Variants in LOXHD1 observed in about 807,000 individuals in gnomAD.
The protein encoded by LOXHD1 is lipoxygenase homology domain-containing protein 1.
Under a neutral mutation model 248.2 loss-of-function variants are expected in LOXHD1, and 205 were observed. The ratio of observed to expected loss-of-function variants is 0.83; its 90% CI spans 0.74 to 0.93. LOXHD1 has a LOEUF of 0.93. Among genes scored for constraint, LOXHD1 ranks in the 40% least tolerant of loss-of-function variants. LOXHD1 has a pLI of 0.00. For missense variants in LOXHD1, 2,930 were observed against 2,971.6 expected (o/e 0.99, Z 0.33); for synonymous variants, 1,113 against 1,162.8 (o/e 0.96, Z 0.87).
chr18:46,511,898 G>T (rs766873859), intron 34 of LOXHD1, among the ~76,000 whole-genome samples: 7 of 152,178 alleles, frequency 4.6e-5, no homozygotes, highest in Non-Finnish European at 7.3e-5. Flanking sequence ...AGGCCATTGA[G>T]CCTATGCTTG....
Position 46,489,157 on chromosome 18 carries a change from C to T in LOXHD1, c.5879-15G>A. On this transcript the variant is annotated splice_polypyrimidine_tract_variant and intron_variant, in intron 37 of 40. Transcript: ENST00000642948. The stretch of plus-strand genomic sequence containing the variant: ...AGGAAATATCCCTGTGGAAAAGACA[C>T]CATGGGGGTTGGAAGCTGGATGTGC... 1 of 1,551,582 alleles carries T rather than the reference C, an allele frequency of 6.4e-7. No individual in the cohort carries two copies. Among genetic ancestry groups the T allele is most frequent in the Non-Finnish European group, 8.7e-7 (1 of 1,146,942 alleles).
At position 46,631,720 on chromosome 18, in the gene LOXHD1, A is replaced by C. The variant is rs116172161; in HGVS notation, c.511+7896T>G. Among the ~76,000 whole-genome samples, 883 of 152,308 alleles carry C rather than the reference A, an allele frequency of 5.8e-3. 14 individuals are homozygous for C. Among genetic ancestry groups the C allele is most frequent in the African/African-American group, 0.021 (856 of 41,566 alleles). ...AACTCTGGGAACAAGGAGCCAACTC[A>C]GTTAGCAAATAGGGCAGGCCCCGGG... On this transcript the variant is annotated intron_variant, in intron 4 of 40. Coordinates refer to ENST00000642948, the MANE Select transcript of LOXHD1 (RefSeq NM_001384474.1).
rs187264573 is a variant in LOXHD1 at position 46,576,837 on chromosome 18, G to A, written c.1970+870C>T. 3.7e-3 allele frequency among the ~76,000 whole-genome samples: 556 copies of A among 152,200 alleles called. 17 individuals are homozygous for A. The highest frequency in any genetic ancestry group is 0.026 in the Admixed American group (405 of 15,298). On this transcript the variant is annotated intron_variant, in intron 14 of 40. Transcript: ENST00000642948. ...AGCAGATGTGTGCCTGTGTGTGTGC[G>A]CCTGTAGGCACAGGCATGCATGTGA... is the stretch of plus-strand genomic sequence containing the variant.
At chr18:46,587,388 C>T (rs549796395) in intron 12 of LOXHD1, among the ~76,000 whole-genome samples, 1 of 152,248 alleles carries the variant, frequency 6.6e-6, no homozygotes, top group South Asian at 2.1e-4. Flanking sequence ...AACTTTCAGG[C>T]AATTCCCAGA....
intron 37 of LOXHD1, among the ~76,000 whole-genome samples, chr18:46,489,938 G>C (rs1235623399): frequency 1.3e-5 from 2 of 152,168 alleles, no homozygotes; most frequent in African/African-American, 2.4e-5. Flanking sequence ...ATTTCTTTTG[G>C]GTATGTTGCT....
intron 21 of LOXHD1, among the ~76,000 whole-genome samples, chr18:46,551,913 A>C (rs571263027): frequency 6.6e-6 from 1 of 152,256 alleles, no homozygotes; most frequent in African/African-American, 2.4e-5. Flanking sequence ...ACACGGATGA[A>C]GCTTGAGGAC....
intron 37 of LOXHD1, among the ~76,000 whole-genome samples, chr18:46,498,211 C>T (rs952817099): frequency 1.3e-5 from 2 of 152,210 alleles, no homozygotes; most frequent in Non-Finnish European, 2.9e-5. Flanking sequence ...CCTTGCTATG[C>T]CTTAAGCTCC....
chr18:46,648,705 G>A (rs1340726042), intron 2 of LOXHD1, among the ~76,000 whole-genome samples: 1 of 152,188 alleles, frequency 6.6e-6, no homozygotes, highest in Non-Finnish European at 1.5e-5. Context: ...GCGGCTAGCT[G>A]AGTGTGCAAT....
At chr18:46,614,087 G>A (rs1323418648) in intron 5 of LOXHD1, among the ~76,000 whole-genome samples, 3 of 152,204 alleles carry the variant, frequency 2.0e-5, no homozygotes, top group East Asian at 3.9e-4. Context: ...TGGAGAGGAT[G>A]TGGAGAAATA....
chr18:46,586,951 G>C lies in LOXHD1; in HGVS notation c.1654+4982C>G, dbSNP rs549611228. Among the ~76,000 whole-genome samples, 6 of 152,336 alleles carry C rather than the reference G, an allele frequency of 3.9e-5. 1 individual carries two copies. The highest frequency in any genetic ancestry group is 1.2e-4 in the African/African-American group (5 of 41,586). ...TGAAACATATGAGTACACAAAGATA[G>C]AGTGTCTGTGGCAAAAGCACTTGTT... is the stretch of plus-strand genomic sequence containing the variant. On this transcript the variant is annotated intron_variant, in intron 12 of 40. Transcript: ENST00000642948.
At position 46,489,003 on chromosome 18, in the gene LOXHD1, G is replaced by C. The variant is rs765164862; in HGVS notation, c.6018C>G (p.Asn2006Lys). ...CTTCCAGCTCATCACAGATCTTGTT[G>C]TTGGCACAGGCAAAGTCGCGGACCG... ...GQTVRDFACA[N>K]NKICDELEET... Residue 2006 changes from asparagine to lysine, a missense_variant, in exon 38 of 41, where the codon AAC becomes AAG. Asn to Lys is a moderately conservative substitution (Grantham distance 94). Transcript: ENST00000642948. 1 of 1,551,632 alleles carries C rather than the reference G, an allele frequency of 6.4e-7. No homozygotes were observed. The highest frequency in any genetic ancestry group is 1.2e-5 in the South Asian group (1 of 84,044).
chr18:46,595,167 C>T (rs962099402), intron 8 of LOXHD1, among the ~76,000 whole-genome samples: 1 of 152,208 alleles, frequency 6.6e-6, no homozygotes, highest in African/African-American at 2.4e-5. Context: ...TATTTGTTGT[C>T]TACTGTTCAT....
chr18:46,547,429 G>T (rs941779614), intron 21 of LOXHD1, among the ~76,000 whole-genome samples: 1 of 152,166 alleles, frequency 6.6e-6, no homozygotes, highest in African/African-American at 2.4e-5. Context: ...TAGTAGAGAG[G>T]GTTGTACATA....
intron 33 of LOXHD1, 32 bp downstream of exon 33, chr18:46,521,065 C>T (rs1408335017): frequency 6.5e-7 from 1 of 1,547,064 alleles, no homozygotes; most frequent in Non-Finnish European, 8.7e-7. Context: ...CTGCCCTGGC[C>T]ATGCACTGCA....
rs1203623461 is a variant in LOXHD1 at position 46,495,695 on chromosome 18, C to T, written c.5879-6553G>A. 2.0e-5 allele frequency among the ~76,000 whole-genome samples: 3 copies of T among 152,044 alleles called. No homozygotes were observed. In the East Asian group the frequency reaches 5.8e-4, roughly 29 times the overall value. On this transcript the variant is annotated intron_variant, in intron 37 of 40. Coordinates refer to ENST00000642948, the MANE Select transcript of LOXHD1 (RefSeq NM_001384474.1). ...ACATATTTTCCATATATTCCATATA[C>T]AATATTAAGAAAATTTACATATTAC...
chr18:46,582,451 G>C (rs1009367518), intron 12 of LOXHD1, among the ~76,000 whole-genome samples: 4 of 150,724 alleles, frequency 2.7e-5, no homozygotes, highest in Non-Finnish European at 5.9e-5. Context: ...GACCAAAAAT[G>C]GTACTCTGTA....
intron 21 of LOXHD1, 88 bp from the exon 22 acceptor site, chr18:46,547,146 T>G: frequency 2.1e-6 from 3 of 1,452,686 alleles, no homozygotes; most frequent in Non-Finnish European, 2.8e-6. Context: ...AGAGGCCCTC[T>G]ATGGGGTCCC....
chr18:46,513,246 C>A (rs1272807019), intron 34 of LOXHD1, among the ~76,000 whole-genome samples: 3 of 152,252 alleles, frequency 2.0e-5, no homozygotes, highest in South Asian at 2.1e-4. Flanking sequence ...TCTCTAGAAC[C>A]TTTGACTGTT....
chr18:46,629,792 TAAAAAA>T (rs774591794), intron 4 of LOXHD1, among the ~76,000 whole-genome samples: 3 of 126,738 alleles, frequency 2.4e-5, no homozygotes, highest in Admixed American at 8.1e-5. Context: ...CACTGGGCAT[TAAAAAA>T]AAAAAAAAAG....
Sources: gnomAD v4.1 joint callset for allele counts (sites outside exome capture counted in the v4.1 genomes callset) on GRCh38, gnomAD v4.1.1 for gene constraint, MANE v1.5 for transcripts, NCBI Gene and HGNC (gene_info 2026-07-23, HGNC 2026-07-21) for gene names.